The following PLEKHG1 variants were observed in gnomAD, a reference collection of about 807,000 sequenced individuals.
The protein encoded by PLEKHG1 is pleckstrin homology and RhoGEF domain containing G1.
PLEKHG1 carries 44 observed loss-of-function variants against 100.8 expected under a neutral mutation model. The observed-to-expected ratio is 0.44, with a 90% confidence interval of 0.34 to 0.56. PLEKHG1 has a LOEUF of 0.56. Ranked by LOEUF, PLEKHG1 falls within the 20% of genes least tolerant of loss-of-function variation. PLEKHG1 has a pLI of 0.01. For missense variants in PLEKHG1, 1,545 were observed against 1,720.9 expected (o/e 0.90, Z 1.81); for synonymous variants, 640 against 662.5 (o/e 0.97, Z 0.52).
At chr6:150,627,314 A>G (rs908350800) in intron 1 of PLEKHG1, among the ~76,000 whole-genome samples, 13 of 152,174 alleles carry the variant, frequency 8.5e-5, no homozygotes, top group African/African-American at 3.1e-4. Context: ...CTTATGAGTG[A>G]CTCAAAAGCA....
At chr6:150,666,702 G>A (rs117326739) in intron 3 of PLEKHG1, among the ~76,000 whole-genome samples, 1,531 of 152,116 alleles carry the variant, frequency 0.01, 24 homozygotes, top group South Asian at 0.068. Context: ...GACTGAGCTG[G>A]AATCAAGATA....
chr6:150,835,215 C>T (rs957493046), intron 15 of PLEKHG1, among the ~76,000 whole-genome samples: 5 of 152,308 alleles, frequency 3.3e-5, no homozygotes, highest in African/African-American at 9.6e-5. Flanking sequence ...TCATAGCATG[C>T]TGGCCATCTT....
chr6:150,626,677 G>A (rs529399844), intron 1 of PLEKHG1, among the ~76,000 whole-genome samples: 18 of 152,278 alleles, frequency 1.2e-4, no homozygotes, highest in Non-Finnish European at 2.2e-4. Flanking sequence ...GGGGAGGTGC[G>A]TGTAAATTCC....
chr6:150,685,441 G>A (rs1214837316), intron 3 of PLEKHG1, among the ~76,000 whole-genome samples: 1 of 152,166 alleles, frequency 6.6e-6, no homozygotes, highest in African/African-American at 2.4e-5. Flanking sequence ...TCCCACTCCA[G>A]TGAGGAAGGA....
At chr6:150,610,997 C>T (rs995585184) in intron 1 of PLEKHG1, among the ~76,000 whole-genome samples, 49 of 152,186 alleles carry the variant, frequency 3.2e-4, no homozygotes, top group Non-Finnish European at 6.8e-4. Flanking sequence ...TCCAAGCCTG[C>T]AAACGTACCT....
chr6:150,748,652 T>A (rs1427035368), intron 2 of PLEKHG1, among the ~76,000 whole-genome samples: 1 of 145,504 alleles, frequency 6.9e-6, no homozygotes, highest in African/African-American at 2.6e-5. Flanking sequence ...GGAGTCTTGC[T>A]CTGTCACCTA....
intron 3 of PLEKHG1, among the ~76,000 whole-genome samples, chr6:150,694,111 A>G (rs1250444695): frequency 1.3e-5 from 2 of 152,228 alleles, no homozygotes; most frequent in African/African-American, 2.4e-5. Context: ...TTTGCCAATG[A>G]ACATGGCAGA....
intron 1 of PLEKHG1, chr6:150,633,088 T>C (rs1241430123): frequency 3.3e-5 from 5 of 152,232 alleles, no homozygotes; most frequent in Non-Finnish European, 5.9e-5. Context: ...AATAACAGAT[T>C]TGCTCTCCTT....
intron 2 of PLEKHG1, among the ~76,000 whole-genome samples, chr6:150,746,584 A>G (rs1357449946): frequency 1.3e-5 from 2 of 152,240 alleles, no homozygotes; most frequent in African/African-American, 4.8e-5. Flanking sequence ...TAGTAGTATG[A>G]GAGTTGATTT....
Position 150,789,130 on chromosome 6 carries a change from A to G in PLEKHG1, c.582+2671A>G, listed in dbSNP as rs533811929. On this transcript the variant is annotated intron_variant, in intron 4 of 15. Transcript: ENST00000358517. Reference sequence around the variant, plus strand: ...ACATATTGCTTTACTGTGGCTACCTATTCAATAAATATTTGAGAGACTTAG... The same window carrying G: ...ACATATTGCTTTACTGTGGCTACCTGTTCAATAAATATTTGAGAGACTTAG... 8.5e-5 allele frequency among the ~76,000 whole-genome samples: 13 copies of G among 152,318 alleles called. No homozygotes were observed. In the South Asian group the frequency reaches 2.7e-3, roughly 32 times the overall value.
intron 3 of PLEKHG1, among the ~76,000 whole-genome samples, chr6:150,708,406 C>T (rs1489643846): frequency 6.6e-6 from 1 of 152,222 alleles, no homozygotes; most frequent in Non-Finnish European, 1.5e-5. Context: ...TCATTCCCCA[C>T]ATAGAATCTG....
intron 12 of PLEKHG1, among the ~76,000 whole-genome samples, chr6:150,820,828 G>A (rs1776252408): frequency 6.6e-6 from 1 of 152,154 alleles, no homozygotes. Context: ...TCGTACCATT[G>A]CACTCCAACC....
intron 9 of PLEKHG1, 58 bp downstream of exon 10, chr6:150,809,534 G>A (rs925406803): frequency 5.3e-6 from 8 of 1,513,172 alleles, no homozygotes; most frequent in Non-Finnish European, 5.5e-6. Context: ...TGAGTGCTGT[G>A]TACCATGTGG....
chr6:150,791,202 C>A (rs752410459), intron 4 of PLEKHG1, among the ~76,000 whole-genome samples: 1 of 152,114 alleles, frequency 6.6e-6, no homozygotes, highest in Admixed American at 6.6e-5. Flanking sequence ...AGTAACCCAG[C>A]AATCTATGTT....
chr6:150,748,882 C>T (rs1357649214), intron 2 of PLEKHG1, among the ~76,000 whole-genome samples: 2 of 152,088 alleles, frequency 1.3e-5, no homozygotes, highest in Admixed American at 6.5e-5. Flanking sequence ...CCACCTTGGC[C>T]TCCTGAAGTG....
intron 12 of PLEKHG1, among the ~76,000 whole-genome samples, chr6:150,819,979 G>A (rs1776205339): frequency 6.6e-6 from 1 of 152,090 alleles, no homozygotes; most frequent in South Asian, 2.1e-4. Flanking sequence ...GGAGGCCGAG[G>A]CAGGTGGGTC....
chr6:150,823,986 G>A (rs1776448296), intron 14 of PLEKHG1, among the ~76,000 whole-genome samples: 1 of 152,102 alleles, frequency 6.6e-6, no homozygotes, highest in Non-Finnish European at 1.5e-5. Flanking sequence ...CGGTGCTCAC[G>A]TGAGCCACCT....
intron 3 of PLEKHG1, among the ~76,000 whole-genome samples, chr6:150,700,370 G>C (rs746121014): frequency 6.6e-5 from 10 of 152,110 alleles, no homozygotes; most frequent in Non-Finnish European, 1.3e-4. Context: ...GAAATCCTCA[G>C]GCCCCACTCC....
chr6:150,717,310 G>C (rs1223801988), upstream of PLEKHG1, among the ~76,000 whole-genome samples: 5 of 151,640 alleles, frequency 3.3e-5, no homozygotes, highest in East Asian at 7.7e-4. Flanking sequence ...AAAGTGCTGG[G>C]ATTACAGGCA....
Sources: gnomAD v4.1 joint callset for allele counts (sites outside exome capture counted in the v4.1 genomes callset) on GRCh38, gnomAD v4.1.1 for gene constraint, MANE v1.5 for transcripts, NCBI Gene and HGNC (gene_info 2026-07-23, HGNC 2026-07-21) for gene names.